CDCA2: variants seen among roughly 807,000 people sequenced by gnomAD.
CDCA2 encodes the protein cell division cycle associated 2.
In CDCA2, 44 loss-of-function variants were observed where a neutral mutation model predicts 67.0. The ratio of observed to expected loss-of-function variants is 0.66; its 90% confidence interval spans 0.52 to 0.84. CDCA2 has a LOEUF of 0.84. CDCA2 is among the 40% of genes least tolerant of loss of function. The probability of loss-of-function intolerance (pLI) is 0.00; values close to 1 mark genes in which losing one functional copy is unlikely to be tolerated. For missense variants in CDCA2, 1,253 were observed against 1,203.2 expected (o/e 1.04, Z -0.61); for synonymous variants, 447 against 418.7 (o/e 1.07, Z -0.82).
At chr8:25,470,200 A>G (rs896048881) in intron 7 of CDCA2, among the ~76,000 whole-genome samples, 8 of 152,226 alleles carry the variant, frequency 5.3e-5, no homozygotes, top group African/African-American at 1.9e-4. Context: ...AGCTCATGGA[A>G]TTTAGTATAA....
chr8:25,483,256 G>A, intron 8 of CDCA2, 143 bp from the exon 9 acceptor site: 1 of 471,514 alleles, frequency 2.1e-6, no homozygotes, highest in Non-Finnish European at 3.6e-6. Flanking sequence ...TTTTGAGCCA[G>A]AACAATTATT....
At chr8:25,503,110 C>T (rs573158083) in intron 13 of CDCA2, among the ~76,000 whole-genome samples, 2 of 152,144 alleles carry the variant, frequency 1.3e-5, no homozygotes, top group Admixed American at 1.3e-4. Flanking sequence ...GGTGAGATCC[C>T]ATCTCCACCA....
chr8:25,464,734 G>A (rs1031773322), intron 4 of CDCA2, among the ~76,000 whole-genome samples: 22 of 152,160 alleles, frequency 1.4e-4, no homozygotes, highest in African/African-American at 4.6e-4. Flanking sequence ...AAAGTAAATT[G>A]TATGAATTTG....
chr8:25,503,224 A>G (rs1234421217), intron 13 of CDCA2, 149 bp from the exon 14 acceptor site: 2 of 621,632 alleles, frequency 3.2e-6, no homozygotes, highest in Admixed American at 2.8e-5. Context: ...CAGAAGTTGC[A>G]GTGAGCTGAG....
At position 25,487,293 on chromosome 8, in the gene CDCA2, C is replaced by A; in HGVS notation, c.1492C>A (p.Pro498Thr). The change falls in exon 12 of 15, where the codon CCT becomes ACT. Residue 498 changes from proline (P) to threonine (T), a missense_variant. Transcript: ENST00000330560. ...AAATAACCATGAGAAAATATCCTCT[C>A]CTAAAGTTGGTAGAATAACAAGGAC... ...SSNNHEKISSPKVGRITRTSN... is the reference protein window; with the variant it reads ...SSNNHEKISSTKVGRITRTSN... The A allele has an allele frequency of 6.2e-7, 1 of 1,610,460 alleles. No homozygotes were observed. Among genetic ancestry groups the A allele is most frequent in the South Asian group, 1.1e-5 (1 of 90,828 alleles).
intron 14 of CDCA2, among the ~76,000 whole-genome samples, chr8:25,504,077 C>T (rs1274511054): frequency 6.6e-6 from 1 of 151,760 alleles, no homozygotes; most frequent in Non-Finnish European, 1.5e-5. Context: ...AATATGTATA[C>T]CTTATATGAG....
chr8:25,474,022 G>A (rs1335383363), intron 7 of CDCA2, among the ~76,000 whole-genome samples: 1 of 152,168 alleles, frequency 6.6e-6, no homozygotes, highest in Non-Finnish European at 1.5e-5. Context: ...ATTTCACAAT[G>A]ATCTGGTTAA....
At chr8:25,495,500 C>T (rs1050149716) in intron 13 of CDCA2, among the ~76,000 whole-genome samples, 8 of 151,992 alleles carry the variant, frequency 5.3e-5, no homozygotes, top group African/African-American at 1.5e-4. Flanking sequence ...CTGCAAGCTC[C>T]GCCTCCCGGG....
intron 13 of CDCA2, among the ~76,000 whole-genome samples, chr8:25,491,224 A>G (rs1480637653): frequency 6.6e-6 from 1 of 152,180 alleles, no homozygotes; most frequent in Non-Finnish European, 1.5e-5. Flanking sequence ...AGGAAAAAGA[A>G]GGAGAAAATA....
chr8:25,466,337 T>G lies in CDCA2; in HGVS notation c.538+12T>G. The G allele has an allele frequency of 6.4e-7, 1 of 1,572,764 alleles. No homozygotes were observed. Among genetic ancestry groups the G allele is most frequent in the Non-Finnish European group, 8.6e-7 (1 of 1,165,880 alleles). ...GATGACAGACTTGAGTGAGTAGAAA[T>G]AATTCGTTCAGTTTTGACTTCAATA... On this transcript the variant is annotated intron_variant, in intron 5 of 14. Transcript: ENST00000330560.
intron 7 of CDCA2, 28 bp downstream of exon 7, chr8:25,470,008 C>A: frequency 7.0e-7 from 1 of 1,420,978 alleles, no homozygotes; most frequent in Non-Finnish European, 9.9e-7. Flanking sequence ...AGTACATGGC[C>A]AGTTGCCCGA....
chr8:25,466,276 C>A lies in CDCA2; in HGVS notation c.489C>A (p.Gly163=). 2 of 1,610,610 alleles carry A rather than the reference C, an allele frequency of 1.2e-6. No homozygotes were observed. Among genetic ancestry groups the A allele is most frequent in the Non-Finnish European group, 1.7e-6 (2 of 1,179,196 alleles). ...TAAAGGAAAACGAGAAAATGACCGG[C>A]TGTCTGGAATTCTCAGAGGCAGGAA... ...HSIKENEKMT[G]CLEFSEAGKE... is the part of the protein sequence containing the mutation. Residue 163 remains glycine (G), a synonymous_variant, in exon 5 of 15, where the codon GGC becomes GGA. Coordinates refer to ENST00000330560, the MANE Select transcript of CDCA2 (RefSeq NM_152562.4).
intron 10 of CDCA2, among the ~76,000 whole-genome samples, chr8:25,485,082 C>T (rs895087711): frequency 3.5e-5 from 5 of 143,380 alleles, no homozygotes; most frequent in South Asian, 2.3e-4. Flanking sequence ...GACAGAAATA[C>T]GATCATCTGA....
intron 4 of CDCA2, 93 bp from the exon 5 acceptor site, chr8:25,466,082 C>T: frequency 8.6e-7 from 1 of 1,161,140 alleles, no homozygotes; most frequent in Non-Finnish European, 1.2e-6. Context: ...CATATGTGTA[C>T]TGTATTTAAT....
intron 7 of CDCA2, among the ~76,000 whole-genome samples, chr8:25,478,616 T>C (rs1235706864): frequency 6.6e-6 from 1 of 152,188 alleles, no homozygotes; most frequent in Non-Finnish European, 1.5e-5. Context: ...TTCTCAGCTC[T>C]CTTGTCCATG....
At chr8:25,472,547 G>A (rs1803199251) in intron 7 of CDCA2, among the ~76,000 whole-genome samples, 1 of 151,982 alleles carries the variant, frequency 6.6e-6, no homozygotes, top group East Asian at 1.9e-4. Context: ...CACCACACCT[G>A]GACTGTGCTG....
chr8:25,505,174 G>T (rs1223271955), intron 14 of CDCA2, among the ~76,000 whole-genome samples: 2 of 151,334 alleles, frequency 1.3e-5, no homozygotes, highest in African/African-American at 4.9e-5. Flanking sequence ...TAGTATGTTG[G>T]ATTTTATGCG....
In CDCA2 at chr8:25,466,072, CAT is replaced by C; in HGVS notation, c.388-100_388-99del. 4 of 1,006,776 alleles carry C rather than the reference CAT, an allele frequency of 4.0e-6. No individual in the cohort carries two copies. The East Asian group carries it at 1.2e-4, about 30-fold the overall frequency. 62.4% of individuals were successfully genotyped at this position (1,006,776 alleles called of 1,614,324 possible). On this transcript the variant is annotated intron_variant, in intron 4 of 14. Transcript: ENST00000330560. ...CTCCTTACCGCTGATCTTCAAAAAG[CAT>C]ATGTGTACTGTATTTAATTTTGGAT...
chr8:25,465,523 G>A (rs1272516882), intron 4 of CDCA2, among the ~76,000 whole-genome samples: 1 of 149,756 alleles, frequency 6.7e-6, no homozygotes, highest in East Asian at 1.9e-4. Context: ...ATCAGTCTTT[G>A]GTTGGAACCC....
Sources: allele counts gnomAD v4.1 joint callset (sites outside exome capture counted in the v4.1 genomes callset), GRCh38; gene constraint gnomAD v4.1.1; transcripts MANE v1.5; gene names NCBI Gene and HGNC (gene_info 2026-07-23, HGNC 2026-07-21).